NRG1: variants seen among roughly 807,000 people sequenced by gnomAD.
NRG1 encodes the protein neuregulin 1, also known as pro-neuregulin-1, membrane-bound isoform.
Under a neutral mutation model 63.8 loss-of-function variants are expected in NRG1, and 18 were observed. That is an observed-to-expected ratio of 0.28 (90% CI 0.19 to 0.42). The LOEUF (loss-of-function observed/expected upper bound fraction) is 0.42. NRG1 is among the 10% of genes least tolerant of loss of function. The pLI, the probability that NRG1 is intolerant of heterozygous loss-of-function variation, is 1.00. For synonymous variants in NRG1, 302 were observed against 301.3 expected (o/e 1.00, Z -0.02); for missense variants, 762 against 814.7 (o/e 0.94, Z 0.79).
intron 1 of NRG1, among the ~76,000 whole-genome samples, chr8:32,487,290 A>G (rs7007029): frequency 0.62 from 94,326 of 151,598 alleles, 29,573 homozygotes; most frequent in East Asian, 0.79. Flanking sequence ...AAATGTGCCC[A>G]TGACCCCACC....
intron 1 of NRG1, among the ~76,000 whole-genome samples, chr8:31,725,067 T>C (rs993398521): frequency 2.0e-5 from 3 of 152,192 alleles, no homozygotes; most frequent in Non-Finnish European, 2.9e-5. Flanking sequence ...TTGTGAAATG[T>C]TATTTTTCTC....
At chr8:32,167,934 A>G (rs1484313704) in intron 1 of NRG1, among the ~76,000 whole-genome samples, 2 of 152,216 alleles carry the variant, frequency 1.3e-5, no homozygotes, top group Non-Finnish European at 2.9e-5. Flanking sequence ...ATCATCTGTG[A>G]GCAGCTTGCC....
At chr8:32,410,940 A>G (rs1342688281) in intron 1 of NRG1, among the ~76,000 whole-genome samples, 1 of 150,934 alleles carries the variant, frequency 6.6e-6, no homozygotes, top group Non-Finnish European at 1.5e-5. Flanking sequence ...CAGTGGCGCA[A>G]TCTCGGTTCA....
chr8:32,564,990 A>C (rs1325236079), intron 1 of NRG1, among the ~76,000 whole-genome samples: 1 of 152,124 alleles, frequency 6.6e-6, no homozygotes, highest in East Asian at 1.9e-4. Context: ...GGATTGCTGG[A>C]GCCCAGGAGT....
chr8:32,218,317 A>T (rs1364301615), intron 1 of NRG1, among the ~76,000 whole-genome samples: 1 of 152,166 alleles, frequency 6.6e-6, no homozygotes, highest in Non-Finnish European at 1.5e-5. Context: ...TCAAGCTGTA[A>T]CCAACCCAAC....
intron 1 of NRG1, among the ~76,000 whole-genome samples, chr8:32,108,896 G>A (rs779765757): frequency 1.3e-5 from 2 of 152,056 alleles, no homozygotes; most frequent in African/African-American, 2.4e-5. Context: ...CTGCAGAACC[G>A]TAAGATAATA....
intron 1 of NRG1, among the ~76,000 whole-genome samples, chr8:32,505,552 G>A (rs2129498012): frequency 6.6e-6 from 1 of 152,296 alleles, no homozygotes; most frequent in East Asian, 1.9e-4. Context: ...ACCAAGAGTT[G>A]TCCCCAGAGA....
At chr8:31,896,081 C>T (rs1203906632) in intron 1 of NRG1, among the ~76,000 whole-genome samples, 1 of 152,096 alleles carries the variant, frequency 6.6e-6, no homozygotes. Context: ...AATTGTTTTT[C>T]CCAGGCAACC....
At chr8:31,852,321 T>A (rs1827324911) in intron 1 of NRG1, among the ~76,000 whole-genome samples, 1 of 150,098 alleles carries the variant, frequency 6.7e-6, no homozygotes, top group Non-Finnish European at 1.5e-5. Flanking sequence ...TGAGATGGTA[T>A]CTCATTGTGG....
chr8:32,650,933 C>CTGT (rs1854977584), intron 5 of NRG1, among the ~76,000 whole-genome samples: 1 of 152,026 alleles, frequency 6.6e-6, no homozygotes, highest in African/African-American at 2.4e-5. Flanking sequence ...AGGTCATAGA[C>CTGT]TGTTGAAGGC....
At chr8:32,627,731 G>T (rs1849552774) in intron 5 of NRG1, among the ~76,000 whole-genome samples, 1 of 151,974 alleles carries the variant, frequency 6.6e-6, no homozygotes, top group South Asian at 2.1e-4. Context: ...AGGATGCCTA[G>T]TTATAATCAA....
At chr8:32,689,113 C>T (rs1249132710) in intron 5 of NRG1, among the ~76,000 whole-genome samples, 1 of 151,986 alleles carries the variant, frequency 6.6e-6, no homozygotes, top group Non-Finnish European at 1.5e-5. Flanking sequence ...TAGAGCTGTC[C>T]AAGAAAAAGT....
chr8:32,740,707 A>C (rs1214665400), intron 6 of NRG1, among the ~76,000 whole-genome samples: 1 of 152,200 alleles, frequency 6.6e-6, no homozygotes, highest in Non-Finnish European at 1.5e-5. Flanking sequence ...TTTATCGCGC[A>C]GGCTATTTTC....
intron 1 of NRG1, among the ~76,000 whole-genome samples, chr8:31,895,697 G>T (rs1027397091): frequency 6.6e-6 from 1 of 152,082 alleles, no homozygotes; most frequent in Non-Finnish European, 1.5e-5. Context: ...GTGGGCCAGA[G>T]GCAGCAAGAT....
chr8:32,736,311 A>G (rs1449646749), intron 6 of NRG1, among the ~76,000 whole-genome samples: 1 of 152,206 alleles, frequency 6.6e-6, no homozygotes. Context: ...ATAATCTACA[A>G]CACAGATACT....
chr8:32,079,936 A>G (rs571425772), intron 1 of NRG1, among the ~76,000 whole-genome samples: 1 of 152,350 alleles, frequency 6.6e-6, no homozygotes, highest in African/African-American at 2.4e-5. Context: ...ACAAACCCAT[A>G]TTCAAATATA....
intron 1 of NRG1, among the ~76,000 whole-genome samples, chr8:32,091,098 T>G (rs906463996): frequency 2.0e-5 from 3 of 151,922 alleles, no homozygotes; most frequent in Non-Finnish European, 4.4e-5. Context: ...GCTAACACGG[T>G]GAAACCTGTC....
intron 1 of NRG1, among the ~76,000 whole-genome samples, chr8:32,004,817 A>G (rs375317116): frequency 3.3e-5 from 5 of 151,842 alleles, no homozygotes; most frequent in East Asian, 3.9e-4. Context: ...GAGAGTGTGA[A>G]CAAAGTCATG....
intron 1 of NRG1, among the ~76,000 whole-genome samples, chr8:32,433,040 G>T (rs1322523866): frequency 6.6e-6 from 1 of 152,138 alleles, no homozygotes; most frequent in Non-Finnish European, 1.5e-5. Context: ...CAAGAGGTGA[G>T]GTCAGGGCAG....
Sources: allele counts gnomAD v4.1 joint callset (sites outside exome capture counted in the v4.1 genomes callset), GRCh38; gene constraint gnomAD v4.1.1; transcripts MANE v1.5; gene names NCBI Gene and HGNC (gene_info 2026-07-23, HGNC 2026-07-21).